Variants in MARCHF3 observed in about 807,000 individuals in gnomAD.
MARCHF3 encodes the protein membrane associated ring-CH-type finger 3.
MARCHF3 carries 13 observed loss-of-function variants against 24.2 expected under a neutral mutation model. The ratio of observed to expected loss-of-function variants is 0.54; its 90% confidence interval spans 0.35 to 0.85. The LOEUF (loss-of-function observed/expected upper bound fraction) is 0.85. Ranked by LOEUF, MARCHF3 falls within the 40% of genes least tolerant of loss-of-function variation. The probability of loss-of-function intolerance (pLI) is 0.01; values close to 1 mark genes in which losing one functional copy is unlikely to be tolerated. For synonymous variants in MARCHF3, 144 were observed against 137.3 expected (o/e 1.05, Z -0.34); for missense variants, 276 against 325.0 (o/e 0.85, Z 1.16).
intron 3 of MARCHF3, among the ~76,000 whole-genome samples, chr5:126,905,698 G>C (rs1227691735): frequency 9.2e-5 from 14 of 151,950 alleles, no homozygotes; most frequent in Non-Finnish European, 1.5e-4. Flanking sequence ...TTGCTTATCA[G>C]CTTAAGGAGA....
At chr5:126,912,985 G>A (rs1580634448) in intron 3 of MARCHF3, among the ~76,000 whole-genome samples, 1 of 152,182 alleles carries the variant, frequency 6.6e-6, no homozygotes, top group East Asian at 1.9e-4. Flanking sequence ...ACATTCTCAA[G>A]GTCATTTGCC....
At chr5:126,955,694 A>G (rs1412130264) in intron 1 of MARCHF3, among the ~76,000 whole-genome samples, 1 of 152,188 alleles carries the variant, frequency 6.6e-6, no homozygotes, top group African/African-American at 2.4e-5. Context: ...GGATTCTCTG[A>G]CTATATAGTC....
chr5:127,000,658 C>CATTCATGA (rs1254475669), intron 1 of MARCHF3, among the ~76,000 whole-genome samples: 2 of 152,122 alleles, frequency 1.3e-5, no homozygotes, highest in Non-Finnish European at 2.9e-5. Flanking sequence ...AGGTGGTGAT[C>CATTCATGA]ATTCATGACT....
intron 1 of MARCHF3, among the ~76,000 whole-genome samples, chr5:126,980,719 T>C (rs1444281060): frequency 1.3e-5 from 2 of 152,186 alleles, no homozygotes; most frequent in Non-Finnish European, 2.9e-5. Flanking sequence ...ACATCTATGG[T>C]TAGGTGGGCC....
At chr5:126,932,429 G>A (rs867864520) in intron 1 of MARCHF3, among the ~76,000 whole-genome samples, 9 of 152,216 alleles carry the variant, frequency 5.9e-5, no homozygotes, top group South Asian at 2.1e-4. Context: ...GTGGGTGCTC[G>A]CTGAGTGGTA....
Position 126,925,728 on chromosome 5 carries a change from C to T in MARCHF3, c.-56-7501G>A, listed in dbSNP as rs376695238. Among the ~76,000 whole-genome samples, 11 of 152,120 alleles carry T rather than the reference C, an allele frequency of 7.2e-5. No individual in the cohort carries two copies. In the South Asian group the frequency reaches 1.7e-3, roughly 23 times the overall value. On this transcript the variant is annotated intron_variant, in intron 1 of 4. Coordinates refer to ENST00000308660, the MANE Select transcript of MARCHF3 (RefSeq NM_178450.5). ...GTTGCACAGATGAGTTCTGGGCACT[C>T]GGGAACAATGAGGGCACATCAGAAA...
chr5:126,977,794 C>A (rs1434895168), intron 1 of MARCHF3, among the ~76,000 whole-genome samples: 2 of 152,336 alleles, frequency 1.3e-5, no homozygotes, highest in South Asian at 4.1e-4. Flanking sequence ...CAACACTATT[C>A]GGCCATTCCG....
chr5:127,024,995 T>C (rs1752947327), intron 1 of MARCHF3, among the ~76,000 whole-genome samples: 1 of 152,220 alleles, frequency 6.6e-6, no homozygotes, highest in African/African-American at 2.4e-5. Flanking sequence ...ACTAGGTTTC[T>C]TGCCAGTACT....
chr5:126,979,948 C>CAAAAAAAAAAAAAAA (rs757849978), intron 1 of MARCHF3, among the ~76,000 whole-genome samples: 1 of 44,906 alleles, frequency 2.2e-5, no homozygotes, highest in African/African-American at 7.4e-5. Flanking sequence ...AACTCCATCT[C>CAAAAAAAAAAAAAAA]AAAAAAAAAA....
chr5:126,961,785 T>A (rs1750645168), intron 1 of MARCHF3, among the ~76,000 whole-genome samples: 1 of 152,310 alleles, frequency 6.6e-6, no homozygotes, highest in East Asian at 1.9e-4. Context: ...CATTTCTGAA[T>A]GCAATATGCA....
rs1368638387 is a variant in MARCHF3 at position 126,869,765 on chromosome 5, A to G, written c.*868T>C. ...AAATGAGATGGGAGTGAGAACAGCA[A>G]CCTTTTTGCTTTTCCTTTTTTTCCT... is the stretch of plus-strand genomic sequence containing the variant. On this transcript the variant is annotated 3_prime_UTR_variant, in exon 5 of 5. Transcript: ENST00000308660. 6.6e-6 allele frequency: 1 copy of G among 152,188 alleles called. No homozygotes were observed. Among genetic ancestry groups the G allele is most frequent in the Non-Finnish European group, 1.5e-5 (1 of 67,962 alleles). 9.4% of individuals were successfully genotyped at this position (152,188 alleles called of 1,614,324 possible).
rs537631244 is a variant in MARCHF3, at chr5:126,878,141, G to C, written c.603+44C>G. 1.6e-5 allele frequency: 25 copies of C among 1,588,056 alleles called. No homozygotes were observed. The South Asian group carries it at 2.7e-4, about 17-fold the overall frequency. On this transcript the variant is annotated intron_variant, in intron 4 of 4. Coordinates refer to ENST00000308660, the MANE Select transcript of MARCHF3 (RefSeq NM_178450.5). Reference sequence around the variant, plus strand: ...AAAGGCTTGTGCCAGCTGTGAGGCTGCCAGCTCCAAATGGCCTGAACCCCA... The same window carrying C: ...AAAGGCTTGTGCCAGCTGTGAGGCTCCCAGCTCCAAATGGCCTGAACCCCA...
chr5:126,992,197 G>T (rs566293187), intron 1 of MARCHF3, among the ~76,000 whole-genome samples: 3 of 152,264 alleles, frequency 2.0e-5, no homozygotes, highest in Non-Finnish European at 4.4e-5. Flanking sequence ...AGACAAATCT[G>T]TAGCTCGAAA....
At position 126,965,468 on chromosome 5, in the gene MARCHF3, C is replaced by T. The variant is rs148169564; in HGVS notation, c.-56-47241G>A. On this transcript the variant is annotated intron_variant, in intron 1 of 4. Transcript: ENST00000308660. ...AGGACTCAATCACATTCATTGCCTA[C>T]TCATTAGAAACATAAATAAATGCTG... Among the ~76,000 whole-genome samples, 148 of 152,282 alleles carry T rather than the reference C, an allele frequency of 9.7e-4. 2 individuals carry two copies. Among genetic ancestry groups the T allele is most frequent in the Middle Eastern group, 6.8e-3 (2 of 294 alleles).
At chr5:126,901,166 T>C (rs1440287465) in intron 3 of MARCHF3, among the ~76,000 whole-genome samples, 2 of 152,056 alleles carry the variant, frequency 1.3e-5, no homozygotes, top group Middle Eastern at 3.2e-3. Flanking sequence ...AATAAGATGA[T>C]TATATAAAGT....
intron 1 of MARCHF3, among the ~76,000 whole-genome samples, chr5:126,919,559 A>G (rs1434854517): frequency 6.6e-6 from 1 of 152,112 alleles, no homozygotes; most frequent in South Asian, 2.1e-4. Context: ...TACTTCTTAC[A>G]TTTTCCTTGA....
chr5:126,953,817 G>C (rs1750336089), intron 1 of MARCHF3, among the ~76,000 whole-genome samples: 1 of 152,022 alleles, frequency 6.6e-6, no homozygotes, highest in South Asian at 2.1e-4. Flanking sequence ...TCTTTCTGAC[G>C]CTCTCATTAA....
chr5:126,875,424 G>GA (rs1319593050), intron 4 of MARCHF3, among the ~76,000 whole-genome samples: 1 of 152,168 alleles, frequency 6.6e-6, no homozygotes, highest in Non-Finnish European at 1.5e-5. Context: ...TTCCAGGAAC[G>GA]GCTCCTCTGA....
At chr5:126,929,021 CT>C (rs1437625526) in intron 1 of MARCHF3, among the ~76,000 whole-genome samples, 1 of 152,242 alleles carries the variant, frequency 6.6e-6, no homozygotes, top group Non-Finnish European at 1.5e-5. Flanking sequence ...CTCAAAAAAT[CT>C]TTTGGTTGGT....
Sources: allele counts gnomAD v4.1 joint callset (sites outside exome capture counted in the v4.1 genomes callset), GRCh38; gene constraint gnomAD v4.1.1; transcripts MANE v1.5; gene names NCBI Gene and HGNC (gene_info 2026-07-23, HGNC 2026-07-21).